The following RBFOX3 variants were observed in gnomAD, a reference collection of about 807,000 sequenced individuals.
RBFOX3 encodes RNA binding fox-1 homolog 3, also known as RNA binding protein fox-1 homolog 3.
RBFOX3 carries 17 observed loss-of-function variants against 48.7 expected under a neutral mutation model. That is an observed-to-expected ratio of 0.35 (90% CI 0.24 to 0.52). The LOEUF is 0.52. Ranked by LOEUF, RBFOX3 falls within the 20% of genes least tolerant of loss-of-function variation. The pLI is 0.94. For missense variants in RBFOX3, 382 were observed against 497.5 expected (o/e 0.77, Z 2.21); for synonymous variants, 212 against 209.5 (o/e 1.01, Z -0.10).
At position 79,104,041 on chromosome 17, in the gene RBFOX3, G is replaced by A. The variant is rs535053976; in HGVS notation, c.414+32C>T. Reference sequence around the variant, plus strand: ...TAGCCTGGCGGGACCTACAGCCGGCGCTGTAAGGCGGCAGCTCCGTGCGGC... The same window carrying A: ...TAGCCTGGCGGGACCTACAGCCGGCACTGTAAGGCGGCAGCTCCGTGCGGC... On this transcript the variant is annotated intron_variant, in intron 7 of 14. Transcript: ENST00000693108. 12 of 1,538,474 alleles carry A rather than the reference G, an allele frequency of 7.8e-6. No individual in the cohort carries two copies. In the South Asian group the frequency reaches 8.4e-5, roughly 11 times the overall value.
At chr17:79,225,671 C>T (rs764158518) in intron 4 of RBFOX3, among the ~76,000 whole-genome samples, 3 of 152,318 alleles carry the variant, frequency 2.0e-5, no homozygotes, top group South Asian at 4.2e-4. Flanking sequence ...GTCCATGCCT[C>T]GAGGACCCAC....
At chr17:79,484,989 T>A (rs2149521219) in intron 1 of RBFOX3, among the ~76,000 whole-genome samples, 1 of 152,254 alleles carries the variant, frequency 6.6e-6, no homozygotes, top group South Asian at 2.1e-4. Context: ...TTCCCAAGCA[T>A]TTGCTTTAAC....
At chr17:79,326,290 C>T (rs2079312476) in intron 2 of RBFOX3, among the ~76,000 whole-genome samples, 1 of 152,150 alleles carries the variant, frequency 6.6e-6, no homozygotes, top group African/African-American at 2.4e-5. Flanking sequence ...GGTTGAGAAG[C>T]TAGGAGGCGC....
chr17:79,441,720 G>T (rs566459081), intron 2 of RBFOX3, among the ~76,000 whole-genome samples: 4 of 152,340 alleles, frequency 2.6e-5, no homozygotes, highest in African/African-American at 9.6e-5. Context: ...AGAAAGCAGT[G>T]CTGCGTCCTT....
intron 4 of RBFOX3, among the ~76,000 whole-genome samples, chr17:79,213,994 A>C (rs1344173222): frequency 6.6e-6 from 1 of 152,214 alleles, no homozygotes; most frequent in Non-Finnish European, 1.5e-5. Context: ...CACTCAGCGG[A>C]TCAGACTTGG....
chr17:79,362,720 G>T lies in RBFOX3; in HGVS notation c.-174-54896C>A, dbSNP rs1200138473. 6.6e-6 allele frequency among the ~76,000 whole-genome samples: 1 copy of T among 152,206 alleles called. No individual in the cohort carries two copies. Among genetic ancestry groups the T allele is most frequent in the African/African-American group, 2.4e-5 (1 of 41,460 alleles). On this transcript the variant is annotated intron_variant, in intron 2 of 14. Coordinates refer to ENST00000693108, the MANE Select transcript of RBFOX3 (RefSeq NM_001350451.2). This position sits in a 1 kb window ranked among gnomAD's most constrained non-coding sequence, Gnocchi z 4.2. ...TCTCCACTGGCTCTGAGCTGCACAGGCTCATTAGAGACCATGGGATGGGGC... is the reference window on the plus strand; with the variant it reads ...TCTCCACTGGCTCTGAGCTGCACAGTCTCATTAGAGACCATGGGATGGGGC...
intron 4 of RBFOX3, among the ~76,000 whole-genome samples, chr17:79,219,815 G>C (rs1032860939): frequency 9.2e-5 from 14 of 152,086 alleles, no homozygotes; most frequent in African/African-American, 3.1e-4. Flanking sequence ...ACAGGATAAG[G>C]GGGAGGGGAG....
At position 79,471,761 on chromosome 17, in the gene RBFOX3, G is replaced by T. The variant is rs537410580; in HGVS notation, c.-175+10693C>A. Among the ~76,000 whole-genome samples, 1 of 152,144 alleles carries T rather than the reference G, an allele frequency of 6.6e-6. No individual in the cohort carries two copies. Among genetic ancestry groups the T allele is most frequent in the Admixed American group, 6.5e-5 (1 of 15,282 alleles). On this transcript the variant is annotated intron_variant, in intron 2 of 14. Transcript: ENST00000693108. The surrounding 1 kb of genome is among the most constrained non-coding windows in gnomAD (Gnocchi z 4.0). ...GGGCGTGTGCAGAGCCTGGGTGGAC[G>T]CAGGCAGGTTAGCTATCCCAGCCCT...
intron 2 of RBFOX3, among the ~76,000 whole-genome samples, chr17:79,417,841 G>A (rs2065645780): frequency 6.6e-6 from 1 of 152,250 alleles, no homozygotes; most frequent in South Asian, 2.1e-4. Context: ...ATGGACGAAT[G>A]GAGAAACAGA....
At chr17:79,478,297 C>T (rs567240663) in intron 2 of RBFOX3, among the ~76,000 whole-genome samples, 1 of 152,328 alleles carries the variant, frequency 6.6e-6, no homozygotes, top group South Asian at 2.1e-4. Context: ...ATGGGTGCGT[C>T]CCTGAGGGTG....
Position 79,159,498 on chromosome 17 carries a change from C to T in RBFOX3, c.-33-43750G>A, listed in dbSNP as rs1388034995. Among the ~76,000 whole-genome samples, 4 of 152,288 alleles carry T rather than the reference C, an allele frequency of 2.6e-5. No individual in the cohort carries two copies. In the East Asian group the frequency reaches 7.7e-4, roughly 29 times the overall value. ...GGACTCCACACGCATCTGTGGCAGG[C>T]TCCTGGAGACTCCTGGAACACCCCT... On this transcript the variant is annotated intron_variant, in intron 4 of 14. Transcript: ENST00000693108.
intron 1 of RBFOX3, among the ~76,000 whole-genome samples, chr17:79,486,009 G>A (rs1013140920): frequency 1.3e-4 from 20 of 152,252 alleles, no homozygotes; most frequent in African/African-American, 2.4e-4. Context: ...CCCCCTCCGC[G>A]TGCGCTCCTG....
At chr17:79,244,758 C>T (rs1600195409) in intron 3 of RBFOX3, among the ~76,000 whole-genome samples, 1 of 62,416 alleles carries the variant, frequency 1.6e-5, no homozygotes, top group South Asian at 5.8e-4. Flanking sequence ...TCCTTCCTTC[C>T]TTTTCTTCCT....
chr17:79,532,198 GA>G (rs1482941659), intron 1 of RBFOX3, among the ~76,000 whole-genome samples: 21 of 151,706 alleles, frequency 1.4e-4, no homozygotes, highest in African/African-American at 5.1e-4. Context: ...AACTGCACTG[GA>G]GGGGGGAGGG....
At chr17:79,154,796 TGAG>T (rs2045396318) in intron 4 of RBFOX3, among the ~76,000 whole-genome samples, 1 of 152,176 alleles carries the variant, frequency 6.6e-6, no homozygotes, top group Admixed American at 6.5e-5. Flanking sequence ...GAGGTGCCAC[TGAG>T]GAGTCTGGGC....
intron 2 of RBFOX3, among the ~76,000 whole-genome samples, chr17:79,466,321 C>T (rs868978532): frequency 3.9e-5 from 6 of 152,142 alleles, no homozygotes; most frequent in East Asian, 1.9e-4. Flanking sequence ...TCCTGGGGGG[C>T]GGGGGGCGAG....
At chr17:79,385,155 G>T (rs908007534) in intron 2 of RBFOX3, among the ~76,000 whole-genome samples, 10 of 152,202 alleles carry the variant, frequency 6.6e-5, no homozygotes, top group African/African-American at 2.4e-4. Flanking sequence ...CACCTAACGT[G>T]CATGGGAAAT....
chr17:79,351,112 G>C (rs2083857062), intron 2 of RBFOX3, among the ~76,000 whole-genome samples: 1 of 152,158 alleles, frequency 6.6e-6, no homozygotes, highest in African/African-American at 2.4e-5. Flanking sequence ...CTTTTACCAG[G>C]CTATGTAATA....
At chr17:79,232,464 C>T (rs914789913) in intron 4 of RBFOX3, among the ~76,000 whole-genome samples, 2 of 152,118 alleles carry the variant, frequency 1.3e-5, no homozygotes, top group African/African-American at 4.8e-5. Context: ...GAATATCAAA[C>T]CCAGACATAG....
Sources: allele counts gnomAD v4.1 joint callset (sites outside exome capture counted in the v4.1 genomes callset), GRCh38; gene constraint gnomAD v4.1.1; non-coding constraint Gnocchi (gnomAD v3.1); transcripts MANE v1.5; gene names NCBI Gene and HGNC (gene_info 2026-07-23, HGNC 2026-07-21).